The following MACROD2 variants were observed in gnomAD, a reference collection of about 807,000 sequenced individuals.
The protein encoded by MACROD2 is mono-ADP ribosylhydrolase 2, also known as ADP-ribose glycohydrolase MACROD2.
Under a neutral mutation model 70.4 loss-of-function variants are expected in MACROD2, and 36 were observed. The observed-to-expected ratio is 0.51, with a 90% CI of 0.39 to 0.68. The LOEUF is 0.68. Among genes scored for constraint, MACROD2 ranks in the 30% least tolerant of loss-of-function variants. MACROD2 has a pLI of 0.00. For synonymous variants in MACROD2, 172 were observed against 178.8 expected (o/e 0.96, Z 0.30); for missense variants, 496 against 538.4 (o/e 0.92, Z 0.78).
At chr20:14,952,785 G>C (rs900276929) in intron 5 of MACROD2, among the ~76,000 whole-genome samples, 2 of 151,920 alleles carry the variant, frequency 1.3e-5, no homozygotes, top group African/African-American at 4.8e-5. Context: ...AAAATCATAA[G>C]TATTCACAAA....
At chr20:15,098,473 G>A (rs2075849737) in intron 5 of MACROD2, among the ~76,000 whole-genome samples, 1 of 152,146 alleles carries the variant, frequency 6.6e-6, no homozygotes, top group Admixed American at 6.5e-5. Context: ...TTCTCTGAAA[G>A]GCCTGAAGTG....
At chr20:15,075,545 C>A (rs1202058474) in intron 5 of MACROD2, among the ~76,000 whole-genome samples, 1 of 152,052 alleles carries the variant, frequency 6.6e-6, no homozygotes, top group Non-Finnish European at 1.5e-5. Flanking sequence ...GTGTAAGCAC[C>A]CTCTCTGCTG....
At chr20:15,599,253 A>G (rs1204941275) in intron 8 of MACROD2, among the ~76,000 whole-genome samples, 1 of 151,604 alleles carries the variant, frequency 6.6e-6, no homozygotes. Flanking sequence ...TTAGCCGGGC[A>G]TGGTGGAGCA....
At chr20:14,969,840 A>G (rs544571779) in intron 5 of MACROD2, among the ~76,000 whole-genome samples, 2 of 152,312 alleles carry the variant, frequency 1.3e-5, no homozygotes, top group South Asian at 4.2e-4. Context: ...CTGGAAGCAT[A>G]GAATTGCTTT....
At chr20:14,414,657 C>G (rs2083784195) in intron 3 of MACROD2, among the ~76,000 whole-genome samples, 2 of 152,182 alleles carry the variant, frequency 1.3e-5, no homozygotes, top group African/African-American at 4.8e-5. Flanking sequence ...AACCAAAACC[C>G]TTACCATGTC....
intron 5 of MACROD2, among the ~76,000 whole-genome samples, chr20:15,103,883 A>G (rs2075891379): frequency 6.6e-6 from 1 of 152,054 alleles, no homozygotes; most frequent in Non-Finnish European, 1.5e-5. Flanking sequence ...TGCAGGAATG[A>G]GGTTGTTGTG....
chr20:14,161,191 C>CT (rs376789442), intron 3 of MACROD2, among the ~76,000 whole-genome samples: 32,152 of 136,822 alleles, frequency 0.23, 4,100 homozygotes, highest in African/African-American at 0.33. Flanking sequence ...TTTTCTTTTT[C>CT]TTTTTTTTTT....
intron 5 of MACROD2, among the ~76,000 whole-genome samples, chr20:15,025,448 C>T (rs1456622808): frequency 1.3e-5 from 2 of 151,226 alleles, no homozygotes; most frequent in African/African-American, 4.9e-5. Flanking sequence ...GAATTAACTG[C>T]TGCTTAGTGT....
chr20:14,751,638 G>A (rs1247988394), intron 5 of MACROD2, among the ~76,000 whole-genome samples: 1 of 152,092 alleles, frequency 6.6e-6, no homozygotes, highest in Non-Finnish European at 1.5e-5. Context: ...CTGCCCTGCT[G>A]TCTCTATTTC....
intron 8 of MACROD2, among the ~76,000 whole-genome samples, chr20:15,621,737 C>T (rs2049128946): frequency 6.6e-6 from 1 of 152,076 alleles, no homozygotes; most frequent in Non-Finnish European, 1.5e-5. Context: ...TTCCACGCTC[C>T]CCTTGGACTG....
At chr20:14,222,821 A>G (rs1461216785) in intron 3 of MACROD2, among the ~76,000 whole-genome samples, 3,776 of 32,180 alleles carry the variant, frequency 0.12, 251 homozygotes, top group African/African-American at 0.27. Flanking sequence ...CTGAAAAAAA[A>G]AAAAAAAAAA....
chr20:14,711,773 C>T (rs2071341941), intron 5 of MACROD2, among the ~76,000 whole-genome samples: 1 of 152,124 alleles, frequency 6.6e-6, no homozygotes, highest in Non-Finnish European at 1.5e-5. Flanking sequence ...GTTCTTTTGC[C>T]CAAATCCCAA....
At chr20:15,356,808 A>G (rs996060045) in intron 6 of MACROD2, among the ~76,000 whole-genome samples, 6 of 152,180 alleles carry the variant, frequency 3.9e-5, no homozygotes, top group Non-Finnish European at 8.8e-5. Flanking sequence ...GTAAATACAT[A>G]TATACAAAAT....
intron 3 of MACROD2, among the ~76,000 whole-genome samples, chr20:14,442,872 C>T (rs183883141): frequency 5.3e-5 from 8 of 152,048 alleles, no homozygotes; most frequent in East Asian, 3.9e-4. Context: ...GTCAGGAGAT[C>T]GAGACCATCC....
At chr20:15,533,903 G>A (rs976598811) in intron 8 of MACROD2, among the ~76,000 whole-genome samples, 4 of 152,134 alleles carry the variant, frequency 2.6e-5, no homozygotes, top group Admixed American at 6.6e-5. Context: ...TACCTTGATG[G>A]GAGAGCCAGG....
At chr20:15,833,467 G>A (rs2064080334) in intron 8 of MACROD2, among the ~76,000 whole-genome samples, 1 of 152,140 alleles carries the variant, frequency 6.6e-6, no homozygotes, top group African/African-American at 2.4e-5. Flanking sequence ...CAAACATTCT[G>A]ATTTAATCCA....
At chr20:15,449,342 A>G (rs970486222) in intron 7 of MACROD2, among the ~76,000 whole-genome samples, 4 of 152,190 alleles carry the variant, frequency 2.6e-5, no homozygotes, top group Non-Finnish European at 5.9e-5. Context: ...ACGCTTATGT[A>G]GCACTGACGT....
intron 5 of MACROD2, among the ~76,000 whole-genome samples, chr20:15,021,047 T>C (rs1309286489): frequency 2.8e-5 from 4 of 144,582 alleles, no homozygotes; most frequent in Non-Finnish European, 6.1e-5. Context: ...CGTATATGCA[T>C]ACACATGTGC....
At chr20:14,523,870 G>A (rs1336703678) in intron 4 of MACROD2, among the ~76,000 whole-genome samples, 1 of 152,142 alleles carries the variant, frequency 6.6e-6, no homozygotes, top group Non-Finnish European at 1.5e-5. Flanking sequence ...TCCAGCGAAT[G>A]GTATTAAACA....
Sources: allele counts gnomAD v4.1 joint callset (sites outside exome capture counted in the v4.1 genomes callset), GRCh38; gene constraint gnomAD v4.1.1; transcripts MANE v1.5; gene names NCBI Gene and HGNC (gene_info 2026-07-23, HGNC 2026-07-21).